AFG1L: variants seen among roughly 807,000 people sequenced by gnomAD.
AFG1L encodes AFG1-like ATPase.
AFG1L carries 53 observed loss-of-function variants against 62.2 expected under a neutral mutation model. That is an observed-to-expected ratio of 0.85 (90% confidence interval 0.68 to 1.07). The LOEUF (loss-of-function observed/expected upper bound fraction) is 1.07. Ranked by LOEUF, AFG1L falls within the 50% of genes least tolerant of loss-of-function variation. The pLI is 0.00. For synonymous variants in AFG1L, 228 were observed against 210.3 expected, an observed-to-expected ratio of 1.08 and a Z score of -0.73; for missense variants, 555 against 590.5, an observed-to-expected ratio of 0.94 and a Z score of 0.62.
chr6:108,317,711 G>A (rs1032847551), intron 1 of AFG1L, among the ~76,000 whole-genome samples: 27 of 152,214 alleles, frequency 1.8e-4, no homozygotes, highest in Middle Eastern at 3.4e-3. Context: ...GAGAAATGGT[G>A]GGGTTAGCCT....
chr6:108,308,271 T>A (rs867708916), intron 1 of AFG1L, among the ~76,000 whole-genome samples: 2 of 152,162 alleles, frequency 1.3e-5, no homozygotes, highest in South Asian at 4.1e-4. Flanking sequence ...CACCTCAGTC[T>A]CCCGAGTAGC....
chr6:108,330,142 T>C (rs150453387), intron 2 of AFG1L, among the ~76,000 whole-genome samples: 84 of 152,040 alleles, frequency 5.5e-4, no homozygotes, highest in African/African-American at 1.9e-3. Context: ...AAACATGGAC[T>C]TCTCAGCCTC....
intron 8 of AFG1L, among the ~76,000 whole-genome samples, chr6:108,453,978 C>G (rs1314224421): frequency 6.6e-6 from 1 of 152,200 alleles, no homozygotes; most frequent in Non-Finnish European, 1.5e-5. Context: ...AGTCCGGCCC[C>G]CTTCCTTTTA....
At position 108,442,875 on chromosome 6, in the gene AFG1L, T is replaced by G. The variant is rs149403110; in HGVS notation, c.808-4339T>G. 7.0e-3 allele frequency among the ~76,000 whole-genome samples: 1,072 copies of G among 152,194 alleles called. 9 individuals carry two copies. Among genetic ancestry groups the G allele is most frequent in the African/African-American group, 0.025 (1,034 of 41,508 alleles). On this transcript the variant is annotated intron_variant, in intron 7 of 12. Transcript: ENST00000368977. ...CCAGGGGATTGTTGGTCACCTATTT[T>G]ACTCTCCTGAGCCCCTTAGCACCTG...
intron 7 of AFG1L, among the ~76,000 whole-genome samples, chr6:108,431,488 G>A (rs1259165699): frequency 6.6e-6 from 1 of 151,930 alleles, no homozygotes; most frequent in Non-Finnish European, 1.5e-5. Context: ...AAATTATTAT[G>A]TCTAAGATAG....
Position 108,476,930 on chromosome 6 carries a change from A to T in AFG1L, c.956A>T (p.Asn319Ile). ...TTTGATGAGCTGGCTCAGAAACAAA[A>T]TGATTGTACGTAAGTTAATTTCTCT... ...KLFDELAQKQ[N>I]DLTRPRILKV... is the part of the protein sequence containing the mutation. Residue 319 changes from asparagine to isoleucine, a missense_variant, in exon 9 of 13, where the codon AAT (asparagine) becomes ATT (isoleucine). Physicochemically the swap from Asn to Ile is moderately radical, Grantham distance 149 (BLOSUM62 -3). Transcript: ENST00000368977. 6.2e-7 allele frequency: 1 copy of T among 1,613,244 alleles called. No individual in the cohort carries two copies. The highest frequency in any genetic ancestry group is 8.5e-7 in the Non-Finnish European group (1 of 1,179,204).
chr6:108,476,769 T>G lies in AFG1L; in HGVS notation c.891-96T>G, dbSNP rs181153955. On this transcript the variant is annotated intron_variant, in intron 8 of 12. Transcript: ENST00000368977. Reference sequence around the variant, plus strand: ...TTTAGAGCATAACATCCTGTTCTTTTTTTTTATGGGCAAAAAGCTAAGCAG... The same window carrying G: ...TTTAGAGCATAACATCCTGTTCTTTGTTTTTATGGGCAAAAAGCTAAGCAG... 1.7e-4 allele frequency: 138 copies of G among 821,130 alleles called. No individual in the cohort carries two copies. In the East Asian group the frequency reaches 2.7e-3, roughly 16 times the overall value. 50.9% of individuals were successfully genotyped at this position (821,130 alleles called of 1,614,324 possible).
intron 8 of AFG1L, among the ~76,000 whole-genome samples, chr6:108,467,344 G>A (rs973785199): frequency 6.6e-6 from 1 of 151,566 alleles, no homozygotes; most frequent in African/African-American, 2.4e-5. Flanking sequence ...TGCTTTCCGG[G>A]TTCAAATGAT....
chr6:108,407,638 T>C (rs1240361757), intron 7 of AFG1L, among the ~76,000 whole-genome samples: 4 of 151,716 alleles, frequency 2.6e-5, no homozygotes, highest in African/African-American at 4.8e-5. Context: ...TGAGCCATCA[T>C]TGTGTCACTG....
chr6:108,316,092 G>A (rs988094219), intron 1 of AFG1L, among the ~76,000 whole-genome samples: 7 of 151,956 alleles, frequency 4.6e-5, no homozygotes, highest in South Asian at 4.2e-4. Context: ...TTTAAAAATC[G>A]GAAAGTTGGC....
Position 108,425,828 on chromosome 6 carries a change from C to A in AFG1L, c.808-21386C>A, listed in dbSNP as rs145613759. 4.7e-4 allele frequency among the ~76,000 whole-genome samples: 72 copies of A among 152,044 alleles called. No homozygotes were observed. The East Asian group carries it at 0.013, about 28-fold the overall frequency. Reference sequence around the variant, plus strand: ...TTATTAATCTAGCTTTAGTCATACACAATGGTAAGTTAAATATAGTGATAT... The same window carrying A: ...TTATTAATCTAGCTTTAGTCATACAAAATGGTAAGTTAAATATAGTGATAT... On this transcript the variant is annotated intron_variant, in intron 7 of 12. Coordinates refer to ENST00000368977, the MANE Select transcript of AFG1L (RefSeq NM_145315.5).
intron 8 of AFG1L, among the ~76,000 whole-genome samples, chr6:108,466,948 A>G (rs1439873498): frequency 2.0e-5 from 3 of 151,954 alleles, no homozygotes; most frequent in Admixed American, 6.6e-5. Flanking sequence ...AACTACTTCT[A>G]CACACATCAA....
At chr6:108,513,199 T>C (rs143667013) in intron 11 of AFG1L, among the ~76,000 whole-genome samples, 3,619 of 152,310 alleles carry the variant, frequency 0.024, 146 homozygotes, top group African/African-American at 0.082. Context: ...ACGCAGAAGA[T>C]GAATGATTTC....
At chr6:108,492,395 G>T (rs1773810138) in intron 10 of AFG1L, among the ~76,000 whole-genome samples, 1 of 152,158 alleles carries the variant, frequency 6.6e-6, no homozygotes, top group South Asian at 2.1e-4. Context: ...TGATTTCAAT[G>T]ATTATGGTAG....
chr6:108,299,192 C>T (rs966878229), intron 1 of AFG1L, among the ~76,000 whole-genome samples: 14 of 151,304 alleles, frequency 9.3e-5, no homozygotes, highest in East Asian at 5.8e-4. Context: ...ACCCAGGCGG[C>T]GGAGGTTGCA....
intron 8 of AFG1L, among the ~76,000 whole-genome samples, chr6:108,471,476 T>C (rs1181160314): frequency 1.6e-4 from 23 of 147,226 alleles, no homozygotes; most frequent in South Asian, 1.1e-3. Context: ...TTCTTTTTTT[T>C]TTTTTTTTTT....
intron 4 of AFG1L, 116 bp from the exon 5 acceptor site, chr6:108,356,574 G>A (rs943483192): frequency 1.3e-5 from 8 of 636,408 alleles, no homozygotes; most frequent in Non-Finnish European, 2.0e-5. Context: ...TTTACATGGA[G>A]TTTAAACTTA....
At chr6:108,510,442 T>C in intron 11 of AFG1L, 90 bp downstream of exon 11, 1 of 925,334 alleles carries the variant, frequency 1.1e-6, no homozygotes, top group Middle Eastern at 2.5e-4. Context: ...AACATACTTC[T>C]ATCACTTACT....
In AFG1L at chr6:108,320,972, G is replaced by C. The variant is rs896020583; in HGVS notation, c.140-2853G>C. The stretch of plus-strand genomic sequence containing the variant: ...GGTTGACTCCAGAAGTCTAAAAGAG[G>C]GGGTGGAGAAGAGCGTTTTTCTCTT... On this transcript the variant is annotated intron_variant, in intron 1 of 12. Coordinates refer to ENST00000368977, the MANE Select transcript of AFG1L (RefSeq NM_145315.5). Among the ~76,000 whole-genome samples the C allele has an allele frequency of 2.6e-5, 4 of 152,246 alleles. No homozygotes were observed. The East Asian group carries it at 7.7e-4, about 29-fold the overall frequency.
Sources: gnomAD v4.1 joint callset for allele counts (sites outside exome capture counted in the v4.1 genomes callset) on GRCh38, gnomAD v4.1.1 for gene constraint, MANE v1.5 for transcripts, NCBI Gene and HGNC (gene_info 2026-07-23, HGNC 2026-07-21) for gene names.